Variants in SCN9A observed in about 807,000 individuals in gnomAD.
SCN9A encodes sodium channel protein type 9 subunit alpha.
In SCN9A, 131 loss-of-function variants were observed where a neutral mutation model predicts 187.0. The ratio of observed to expected loss-of-function variants is 0.70; its 90% confidence interval spans 0.61 to 0.81. The LOEUF (loss-of-function observed/expected upper bound fraction) is 0.81, where lower values mean the gene tolerates loss of function less well. Ranked by LOEUF, SCN9A falls within the 30% of genes least tolerant of loss-of-function variation. SCN9A has a pLI of 0.00. For synonymous variants in SCN9A, 809 were observed against 808.6 expected, an observed-to-expected ratio of 1.00 and a Z score of -0.01; for missense variants, 2,252 against 2,396.6, an observed-to-expected ratio of 0.94 and a Z score of 1.26.
chr2:166,213,962 C>A (rs1694208401), intron 24 of SCN9A, among the ~76,000 whole-genome samples: 1 of 152,070 alleles, frequency 6.6e-6, no homozygotes, highest in Non-Finnish European at 1.5e-5. Flanking sequence ...GGGAAGAAAA[C>A]CAAATTTGCA....
intron 21 of SCN9A, among the ~76,000 whole-genome samples, chr2:166,232,342 G>A (rs965328712): frequency 3.3e-5 from 5 of 152,152 alleles, no homozygotes; most frequent in Non-Finnish European, 5.9e-5. Context: ...TGCAAATTAA[G>A]TAAACTCTCT....
intron 24 of SCN9A, among the ~76,000 whole-genome samples, chr2:166,213,853 T>G (rs1196764742): frequency 2.0e-5 from 3 of 152,044 alleles, no homozygotes; most frequent in Non-Finnish European, 4.4e-5. Context: ...GAAAAACTCA[T>G]GCACACCAGA....
chr2:166,332,461 C>T (rs554088921), intron 1 of SCN9A, among the ~76,000 whole-genome samples: 1 of 152,214 alleles, frequency 6.6e-6, no homozygotes, highest in East Asian at 1.9e-4. Flanking sequence ...TAGGTTATGA[C>T]CAAAACAAGC....
chr2:166,343,761 C>A (rs928627025), intron 1 of SCN9A, among the ~76,000 whole-genome samples: 1 of 151,868 alleles, frequency 6.6e-6, no homozygotes, highest in Admixed American at 6.6e-5. Context: ...TGTGCCACTG[C>A]ACTCAGCCTG....
chr2:166,340,890 T>C (rs1699770666), intron 1 of SCN9A, among the ~76,000 whole-genome samples: 1 of 152,118 alleles, frequency 6.6e-6, no homozygotes, highest in African/African-American at 2.4e-5. Flanking sequence ...CCCAAAGTGC[T>C]GGGATTGCAG....
chr2:166,210,241 G>T (rs865919305), intron 24 of SCN9A, among the ~76,000 whole-genome samples: 34 of 152,020 alleles, frequency 2.2e-4, no homozygotes, highest in African/African-American at 8.2e-4. Flanking sequence ...TCACTCATAG[G>T]TGGGAATTGA....
At chr2:166,367,424 G>A (rs1307201892) in intron 1 of SCN9A, among the ~76,000 whole-genome samples, 2 of 151,954 alleles carry the variant, frequency 1.3e-5, no homozygotes, top group Non-Finnish European at 2.9e-5. Flanking sequence ...CACCATGCCT[G>A]GATAGTTTTT....
intron 1 of SCN9A, among the ~76,000 whole-genome samples, chr2:166,321,765 C>G (rs1157778841): frequency 6.7e-6 from 1 of 150,352 alleles, no homozygotes; most frequent in African/African-American, 2.4e-5. Context: ...ACTTATATCA[C>G]TTCATTCCAA....
rs76781169 is a variant in SCN9A at position 166,214,476 on chromosome 2, A to T, written c.4399-10012T>A. Among the ~76,000 whole-genome samples, 302 of 149,548 alleles carry T rather than the reference A, an allele frequency of 2.0e-3. 4 individuals carry two copies. The East Asian group carries it at 0.05, about 25-fold the overall frequency. The stretch of plus-strand genomic sequence containing the variant: ...CACGCCTTCTTCCCTGGCTTCCTCC[A>T]GAGACAATCCCAACTCTACAATCTT... On this transcript the variant is annotated intron_variant, in intron 24 of 26. Transcript: ENST00000642356.
intron 20 of SCN9A, among the ~76,000 whole-genome samples, chr2:166,234,846 G>A (rs1695244412): frequency 6.6e-6 from 1 of 152,098 alleles, no homozygotes; most frequent in South Asian, 2.1e-4. Context: ...AAGAGGCAGA[G>A]CCTTTAAAAG....
intron 17 of SCN9A, among the ~76,000 whole-genome samples, chr2:166,252,978 T>C (rs1217284783): frequency 6.6e-6 from 1 of 151,920 alleles, no homozygotes; most frequent in African/African-American, 2.4e-5. Context: ...GTTACAACTT[T>C]ATCTTTTTTA....
intron 21 of SCN9A, 61 bp downstream of exon 21, chr2:166,233,279 G>T: frequency 8.0e-7 from 1 of 1,242,290 alleles, no homozygotes; most frequent in Non-Finnish European, 1.1e-6. Context: ...CATACCCATT[G>T]TTTTTATATT....
In SCN9A at chr2:166,346,165, T is replaced by C. The variant is rs575674513; in HGVS notation, c.-51+29532A>G. ...AAACAAGCAAGAAAACAAGAGTCAG[T>C]GATGCCCTACCACTATCCCCTTTCC... On this transcript the variant is annotated intron_variant, in intron 1 of 26. Coordinates refer to ENST00000642356, the MANE Select transcript of SCN9A (RefSeq NM_001365536.1). Among the ~76,000 whole-genome samples the C allele has an allele frequency of 2.0e-5, 3 of 152,252 alleles. No individual in the cohort carries two copies. In the East Asian group the frequency reaches 5.8e-4, roughly 29 times the overall value.
At chr2:166,286,736 C>T in intron 10 of SCN9A, 113 bp from the exon 11 acceptor site, 1 of 695,756 alleles carries the variant, frequency 1.4e-6, no homozygotes, top group Non-Finnish European at 2.1e-6. Flanking sequence ...ATAATCATGT[C>T]CTTTAAACAT....
chr2:166,274,665 T>C (rs1459806202), intron 16 of SCN9A, among the ~76,000 whole-genome samples: 1 of 152,320 alleles, frequency 6.6e-6, no homozygotes, highest in African/African-American at 2.4e-5. Flanking sequence ...CTGTATACTT[T>C]CTTTGCCAAG....
intron 19 of SCN9A, among the ~76,000 whole-genome samples, chr2:166,239,854 A>G (rs921491942): frequency 6.6e-6 from 1 of 152,212 alleles, no homozygotes; most frequent in African/African-American, 2.4e-5. Context: ...CAGAGCAGGA[A>G]TTAGAATTCA....
intron 1 of SCN9A, 126 bp downstream of exon 1, chr2:166,375,571 A>G (rs1457411500): frequency 6.6e-6 from 1 of 152,284 alleles, no homozygotes; most frequent in African/African-American, 2.4e-5. Context: ...GTGGCGTAAT[A>G]CAGGGTTCCA....
At position 166,284,677 on chromosome 2, in the gene SCN9A, T is replaced by G. The variant is rs1201796122; in HGVS notation, c.1750A>C (p.Arg584=). ...EHSIFGDNES[R]RGSLFVPHRP... is the part of the protein sequence containing the mutation. ...TGGGGCACAAACAGTGAGCCCCTTCTGCTCTCATTGTCTCCAAAAATGCTG... is the reference window on the plus strand; with the variant it reads ...TGGGGCACAAACAGTGAGCCCCTTCGGCTCTCATTGTCTCCAAAAATGCTG... The change falls in exon 12 of 27, where the codon AGA becomes CGA. Residue 584 remains arginine, a synonymous_variant. Coordinates refer to ENST00000642356, the MANE Select transcript of SCN9A (RefSeq NM_001365536.1). 1 of 1,614,036 alleles carries G rather than the reference T, an allele frequency of 6.2e-7. No homozygotes were observed. Among genetic ancestry groups the G allele is most frequent in the South Asian group, 1.1e-5 (1 of 91,088 alleles).
intron 24 of SCN9A, among the ~76,000 whole-genome samples, chr2:166,213,491 A>T (rs1308782268): frequency 4.8e-5 from 7 of 147,320 alleles, no homozygotes; most frequent in African/African-American, 1.7e-4. Context: ...AATAATAATA[A>T]TAATGATAAT....
Sources: allele counts gnomAD v4.1 joint callset (sites outside exome capture counted in the v4.1 genomes callset), GRCh38; gene constraint gnomAD v4.1.1; transcripts MANE v1.5; gene names NCBI Gene and HGNC (gene_info 2026-07-23, HGNC 2026-07-21).